The following LINGO1 variants were observed in gnomAD, a reference collection of about 807,000 sequenced individuals.
LINGO1 encodes leucine-rich repeat and immunoglobulin-like domain-containing nogo receptor-interacting protein 1.
LINGO1 carries 11 observed loss-of-function variants against 37.3 expected under a neutral mutation model. That is an observed-to-expected ratio of 0.29 (90% CI 0.19 to 0.49). The LOEUF (loss-of-function observed/expected upper bound fraction) is 0.49. Ranked by LOEUF, LINGO1 falls within the 20% of genes least tolerant of loss-of-function variation. The probability of loss-of-function intolerance (pLI) is 0.99; values close to 1 mark genes in which losing one functional copy is unlikely to be tolerated. For synonymous variants in LINGO1, 387 were observed against 403.0 expected, an observed-to-expected ratio of 0.96 and a Z score of 0.48; for missense variants, 585 against 878.2, an observed-to-expected ratio of 0.67 and a Z score of 4.22.
At chr15:77,790,077 C>T (rs530600374), upstream of LINGO1, among the ~76,000 whole-genome samples, 7 of 152,250 alleles carry the variant, frequency 4.6e-5, no homozygotes, top group South Asian at 2.1e-4. Context: ...CAGCCCCTGC[C>T]GACACCTTGA....
At chr15:77,730,112 C>T (rs2076140777) in intron 2 of LINGO1, among the ~76,000 whole-genome samples, 1 of 151,900 alleles carries the variant, frequency 6.6e-6, no homozygotes. Context: ...CAGGCCCCAG[C>T]CCTGTCCCTC....
intron 3 of LINGO1, among the ~76,000 whole-genome samples, chr15:77,664,506 C>G (rs1256077635): frequency 6.6e-6 from 1 of 152,120 alleles, no homozygotes; most frequent in South Asian, 2.1e-4. Flanking sequence ...CCAGGCGCTT[C>G]CCTGGGAAGC....
chr15:77,700,905 G>A (rs961511677), upstream of LINGO1, among the ~76,000 whole-genome samples: 7 of 152,118 alleles, frequency 4.6e-5, no homozygotes, highest in African/African-American at 1.4e-4. Flanking sequence ...CCTCACCCAC[G>A]GACCAGGCTT....
At chr15:77,620,493 C>T (rs963311365) in intron 1 of LINGO1, among the ~76,000 whole-genome samples, 15 of 152,244 alleles carry the variant, frequency 9.9e-5, no homozygotes, top group African/African-American at 3.4e-4. Flanking sequence ...GGGGCAGATA[C>T]GGCCTGGTTC....
chr15:77,637,708 G>T (rs56941158), upstream of LINGO1, among the ~76,000 whole-genome samples: 18,579 of 152,112 alleles, frequency 0.12, 1,884 homozygotes, highest in African/African-American at 0.28. This position sits in a 1 kb window ranked among gnomAD's most constrained non-coding sequence, Gnocchi z 4.6. Context: ...CAGGGCTCTA[G>T]CCTAAGGTCC....
intron 1 of LINGO1, among the ~76,000 whole-genome samples, chr15:77,751,476 T>C (rs1422139094): frequency 6.6e-6 from 1 of 151,932 alleles, no homozygotes; most frequent in Non-Finnish European, 1.5e-5. Flanking sequence ...ATAAGACCTG[T>C]GATAGTTGGG....
At chr15:77,775,434 C>T (rs182659963) in intron 1 of LINGO1, among the ~76,000 whole-genome samples, 64 of 152,282 alleles carry the variant, frequency 4.2e-4, no homozygotes, top group Admixed American at 3.3e-3. Flanking sequence ...TGCCTGCCAC[C>T]TCCTGTTACT....
intron 1 of LINGO1, among the ~76,000 whole-genome samples, chr15:77,774,209 T>A (rs1223485937): frequency 6.6e-6 from 1 of 151,968 alleles, no homozygotes; most frequent in Non-Finnish European, 1.5e-5. Context: ...GGAAGTTAAC[T>A]CAGATCCACA....
intron 2 of LINGO1, among the ~76,000 whole-genome samples, chr15:77,721,592 CTG>C (rs1240866975): frequency 2.6e-5 from 4 of 152,190 alleles, no homozygotes; most frequent in African/African-American, 4.8e-5. Context: ...GTTTGATTGA[CTG>C]TGTTTTTTAT....
At chr15:77,634,827 C>G (rs2074363811), upstream of LINGO1, among the ~76,000 whole-genome samples, 1 of 152,146 alleles carries the variant, frequency 6.6e-6, no homozygotes, top group Non-Finnish European at 1.5e-5. Flanking sequence ...CTCCTCCCAC[C>G]AGCCCGACAG....
intron 2 of LINGO1, among the ~76,000 whole-genome samples, chr15:77,724,383 C>T (rs1418760078): frequency 1.3e-5 from 2 of 152,198 alleles, no homozygotes; most frequent in Non-Finnish European, 1.5e-5. Flanking sequence ...CTCTCAGCCT[C>T]GGTTTGCTGA....
intron 3 of LINGO1, chr15:77,651,269 C>T (rs1264773944): frequency 1.3e-5 from 2 of 152,194 alleles, no homozygotes; most frequent in Admixed American, 6.5e-5. Flanking sequence ...ACTGAATGAA[C>T]AGTGTTCAGA....
intron 3 of LINGO1, among the ~76,000 whole-genome samples, chr15:77,652,530 G>GTGTGTGTGTGTGTGTGTGTGTGTT (rs1461851046): frequency 6.9e-6 from 1 of 144,772 alleles, no homozygotes; most frequent in African/African-American, 2.7e-5. Context: ...GTGTGTGTGT[G>GTGTGTGTGTGTGTGTGTGTGTGTT]TTGCCAGAAT....
chr15:77,716,361 A>G lies in LINGO1; in HGVS notation c.-195+18631T>C, dbSNP rs748857817. 9.8e-5 allele frequency among the ~76,000 whole-genome samples: 14 copies of G among 142,984 alleles called. 1 individual carries two copies. The highest frequency in any genetic ancestry group is 2.0e-4 in the Non-Finnish European group (13 of 65,500). The allele number at this position is 142,984 out of a possible 152,430, so 93.8% of individuals were successfully genotyped here. A position where few individuals can be genotyped will look rare whatever the true frequency, so the allele number is the denominator to read the frequency against. ...AGTGGTGTGATCACAGCTCACTGCAACCTCCACCTCCTGGGCTCAATCAAT... is the reference window on the plus strand; with the variant it reads ...AGTGGTGTGATCACAGCTCACTGCAGCCTCCACCTCCTGGGCTCAATCAAT... On this transcript the variant is annotated intron_variant, in intron 2 of 3. Transcript: ENST00000561686.
intron 2 of LINGO1, chr15:77,720,591 T>A (rs2076039368): frequency 6.6e-6 from 1 of 152,368 alleles, no homozygotes; most frequent in African/African-American, 2.4e-5. Flanking sequence ...AACATAATTA[T>A]CCCGATTGAG....
At chr15:77,654,659 G>C (rs77402033) in intron 3 of LINGO1, among the ~76,000 whole-genome samples, 1 of 152,256 alleles carries the variant, frequency 6.6e-6, no homozygotes, top group African/African-American at 2.4e-5. Context: ...GAGAGACCTG[G>C]AGAGGTCAAT....
chr15:77,701,345 G>A (rs1395268244), upstream of LINGO1, among the ~76,000 whole-genome samples: 1 of 152,164 alleles, frequency 6.6e-6, no homozygotes, highest in Non-Finnish European at 1.5e-5. Flanking sequence ...GAGATGAGGA[G>A]AAAAGAGGCA....
chr15:77,723,825 G>A (rs116446018), intron 2 of LINGO1, among the ~76,000 whole-genome samples: 1,784 of 152,324 alleles, frequency 0.012, 44 homozygotes, highest in African/African-American at 0.041. Flanking sequence ...TGGCACAGGT[G>A]GGGGAGGGGG....
At chr15:77,734,259 G>A (rs62007781) in intron 2 of LINGO1, among the ~76,000 whole-genome samples, 50,833 of 152,014 alleles carry the variant, frequency 0.33, 9,782 homozygotes, top group Admixed American at 0.49. Flanking sequence ...AGGCTGACTC[G>A]GAAGAGACGC....
Sources: gnomAD v4.1 joint callset for allele counts (sites outside exome capture counted in the v4.1 genomes callset) on GRCh38, gnomAD v4.1.1 for gene constraint, Gnocchi (gnomAD v3.1) non-coding constraint, MANE v1.5 for transcripts, NCBI Gene and HGNC (gene_info 2026-07-23, HGNC 2026-07-21) for gene names.